The following POLE variants were observed in gnomAD, a reference collection of about 807,000 sequenced individuals.
The protein encoded by POLE is DNA polymerase epsilon catalytic subunit A.
Under a neutral mutation model 279.2 loss-of-function variants are expected in POLE, and 188 were observed. The observed-to-expected ratio is 0.67, with a 90% CI of 0.60 to 0.76. The LOEUF is 0.76. Among genes scored for constraint, POLE ranks in the 30% least tolerant of loss-of-function variants. POLE has a pLI of 0.00. For synonymous variants in POLE, 1,214 were observed against 1,172.5 expected (o/e 1.04, Z -0.72); for missense variants, 2,703 against 3,016.7 (o/e 0.90, Z 2.44).
At chr12:132,647,252 T>G (rs2042306197) in intron 32 of POLE, among the ~76,000 whole-genome samples, 1 of 151,628 alleles carries the variant, frequency 6.6e-6, no homozygotes, top group Non-Finnish European at 1.5e-5. Flanking sequence ...TGAGGCAAGA[T>G]CATGCCACTG....
At chr12:132,636,724 C>T (rs1258447495) in intron 41 of POLE, among the ~76,000 whole-genome samples, 2 of 152,138 alleles carry the variant, frequency 1.3e-5, no homozygotes, top group Non-Finnish European at 2.9e-5. Context: ...CACTGCACTC[C>T]AGCCTGGGTG....
Position 132,648,983 on chromosome 12 carries a change from C to T in POLE, c.4095G>A (p.Val1365=), listed in dbSNP as rs925547598. The T allele has an allele frequency of 6.2e-7, 1 of 1,614,118 alleles. No individual in the cohort carries two copies. Among genetic ancestry groups the T allele is most frequent in the Non-Finnish European group, 8.5e-7 (1 of 1,180,004 alleles). Residue 1365 remains valine (V), a synonymous_variant, in exon 32 of 49, where the codon GTG becomes GTA. Coordinates refer to ENST00000320574, the MANE Select transcript of POLE (RefSeq NM_006231.4). ...LHCIRLSIPR[V]FYVNQRVAKA... ...TAGCGACTCGCTGGTTCACGTAGAA[C>T]ACACGGGGGATGCTCAGCCTGATGC...
intron 13 of POLE, 98 bp downstream of exon 13, chr12:132,673,477 G>T: frequency 6.5e-7 from 1 of 1,533,468 alleles, no homozygotes; most frequent in South Asian, 1.2e-5. Context: ...CACGGCAGCA[G>T]GGGGAGCCGG....
chr12:132,664,086 T>C lies in POLE; in HGVS notation c.2624A>G (p.Asn875Ser). ...CACATTGGTCGTCTTGAAGACAAAA[T>C]TTTCTGGGAAGCTGTTGGGCAGGAC... ...WCVLPNSFPE[N>S]FVFKTTNVKK... is the part of the protein sequence containing the mutation. Residue 875 changes from asparagine (N) to serine (S), a missense_variant, in exon 23 of 49, where the codon AAT (asparagine) becomes AGT (serine). Physicochemically the swap from Asn to Ser is conservative, Grantham distance 46. Coordinates refer to ENST00000320574, the MANE Select transcript of POLE (RefSeq NM_006231.4). This position sits in a 1 kb window ranked among gnomAD's most constrained non-coding sequence, Gnocchi z 5.3. 6.2e-7 allele frequency: 1 copy of C among 1,614,112 alleles called. No homozygotes were observed. Among genetic ancestry groups the C allele is most frequent in the Non-Finnish European group, 8.5e-7 (1 of 1,180,014 alleles).
chr12:132,673,986 G>A (rs1157667226), intron 12 of POLE, among the ~76,000 whole-genome samples: 1 of 151,950 alleles, frequency 6.6e-6, no homozygotes, highest in African/African-American at 2.4e-5. Flanking sequence ...TGGCCTCTCC[G>A]ACGGGCGCCC....
intron 32 of POLE, 143 bp downstream of exon 32, chr12:132,648,786 C>T (rs184633501): frequency 8.0e-6 from 7 of 879,390 alleles, no homozygotes; most frequent in East Asian, 7.6e-5. Context: ...CGGTGCTCAG[C>T]GCTCACACAC....
chr12:132,637,336 T>C (rs940846859), intron 41 of POLE, among the ~76,000 whole-genome samples: 5 of 152,200 alleles, frequency 3.3e-5, no homozygotes, highest in East Asian at 1.9e-4. Context: ...ATGCAGACTC[T>C]CTGTGCCTCC....
At chr12:132,660,164 TG>T (rs1225082537) in intron 25 of POLE, 1 of 156,212 alleles carries the variant, frequency 6.4e-6, no homozygotes, top group Admixed American at 6.2e-5. Context: ...TCCGGCCGGC[TG>T]GAGAGTGGCC....
intron 12 of POLE, among the ~76,000 whole-genome samples, chr12:132,674,152 G>T: frequency 6.6e-6 from 1 of 151,508 alleles, no homozygotes; most frequent in Non-Finnish European, 1.5e-5. Flanking sequence ...CAGATGCCAA[G>T]AAGAATAAAA....
At chr12:132,628,968 T>A (rs1238825275) in intron 45 of POLE, among the ~76,000 whole-genome samples, 2 of 152,244 alleles carry the variant, frequency 1.3e-5, no homozygotes, top group Non-Finnish European at 2.9e-5. Flanking sequence ...GAATGGTGAA[T>A]CCTTTCTAGA....
intron 16 of POLE, among the ~76,000 whole-genome samples, chr12:132,670,743 C>T (rs964143897): frequency 6.6e-6 from 1 of 152,078 alleles, no homozygotes; most frequent in Non-Finnish European, 1.5e-5. Context: ...TCCACCTCGG[C>T]CTCCCAAAGT....
In POLE at chr12:132,634,781, G is replaced by C. The variant is rs771315657; in HGVS notation, c.5812-403C>G. 3.9e-5 allele frequency among the ~76,000 whole-genome samples: 6 copies of C among 152,114 alleles called. No individual in the cohort carries two copies. The highest frequency in any genetic ancestry group is 8.8e-5 in the Non-Finnish European group (6 of 68,020). On this transcript the variant is annotated intron_variant, in intron 42 of 48. Transcript: ENST00000320574. This position sits in a 1 kb window ranked among gnomAD's most constrained non-coding sequence, Gnocchi z 4.0. ...CCAGCCTCCCGCGCAGCCTGTGTTC[G>C]TGCCACGGCACCATCCACGTCTGTG... is the stretch of plus-strand genomic sequence containing the variant.
intron 6 of POLE, 98 bp downstream of exon 6, chr12:132,679,399 G>T: frequency 8.2e-7 from 1 of 1,220,952 alleles, no homozygotes; most frequent in Non-Finnish European, 1.2e-6. Flanking sequence ...ATCAAACAGA[G>T]CCAGCCATTA....
In POLE at chr12:132,661,212, G is replaced by T. The variant is rs2135946963; in HGVS notation, c.2865-48C>A. The T allele has an allele frequency of 1.3e-6, 2 of 1,503,034 alleles. No individual in the cohort carries two copies. The highest frequency in any genetic ancestry group is 1.8e-6 in the Non-Finnish European group (2 of 1,114,508). 93.1% of individuals were successfully genotyped at this position (1,503,034 alleles called of 1,614,324 possible). A position where few individuals can be genotyped will look rare whatever the true frequency, so the allele number is the denominator to read the frequency against. On this transcript the variant is annotated intron_variant, in intron 24 of 48. Coordinates refer to ENST00000320574, the MANE Select transcript of POLE (RefSeq NM_006231.4). The surrounding 1 kb of genome is among the most constrained non-coding windows in gnomAD (Gnocchi z 4.1). ...GCACAGCAGTGGCAAGGAGCGCTGG[G>T]GAGCCACCAGCTGTGCCTCATCCTC...
intron 23 of POLE, 128 bp downstream of exon 23, chr12:132,663,876 A>T (rs2042730495): frequency 1.1e-6 from 1 of 908,348 alleles, no homozygotes; most frequent in Admixed American, 2.3e-5. Context: ...TTCAGGCTAT[A>T]GAAAAGCAAT....
At chr12:132,647,152 T>G (rs765642211) in intron 32 of POLE, among the ~76,000 whole-genome samples, 1 of 152,062 alleles carries the variant, frequency 6.6e-6, no homozygotes, top group Non-Finnish European at 1.5e-5. Context: ...CTAACGTGTG[T>G]GTGTTGGGCG....
chr12:132,643,736 G>T, intron 33 of POLE, 101 bp downstream of exon 33: 1 of 1,472,126 alleles, frequency 6.8e-7, no homozygotes, highest in Non-Finnish European at 9.3e-7. Flanking sequence ...CGAGTCCACT[G>T]TCGCTGCTGT....
chr12:132,641,924 C>T, intron 38 of POLE, 73 bp from the exon 39 acceptor site: 1 of 1,397,676 alleles, frequency 7.2e-7, no homozygotes, highest in Non-Finnish European at 1.0e-6. Context: ...GGCCTGACTC[C>T]AGCCACCACC....
Position 132,642,193 on chromosome 12 carries a change from T to A in POLE, c.5157A>T (p.Ser1719=), listed in dbSNP as rs1057523692. Reference sequence around the variant, plus strand: ...CCCACTTACCTGTGGAGTAACAGCCTGAACTGTTGATCTCAACAGTGGCTT... The same window carrying A: ...CCCACTTACCTGTGGAGTAACAGCCAGAACTGTTGATCTCAACAGTGGCTT... ...DDQATVEINS[S]GCYSTVCVEL... Residue 1719 remains serine, a synonymous_variant, in exon 38 of 49, where the codon TCA becomes TCT. Coordinates refer to ENST00000320574, the MANE Select transcript of POLE (RefSeq NM_006231.4). 2 of 1,582,874 alleles carry A rather than the reference T, an allele frequency of 1.3e-6. No individual in the cohort carries two copies. Among genetic ancestry groups the A allele is most frequent in the Non-Finnish European group, 1.7e-6 (2 of 1,165,346 alleles).
Sources: gnomAD v4.1 joint callset for allele counts (sites outside exome capture counted in the v4.1 genomes callset) on GRCh38, gnomAD v4.1.1 for gene constraint, Gnocchi (gnomAD v3.1) non-coding constraint, MANE v1.5 for transcripts, NCBI Gene and HGNC (gene_info 2026-07-23, HGNC 2026-07-21) for gene names.